Variants in SHISA9 observed in about 807,000 individuals in gnomAD.
SHISA9 encodes the protein protein shisa-9.
In SHISA9, 13 loss-of-function variants were observed where a neutral mutation model predicts 38.0. That is an observed-to-expected ratio of 0.34 (90% CI 0.22 to 0.54). The LOEUF (loss-of-function observed/expected upper bound fraction) is 0.54. Among genes scored for constraint, SHISA9 ranks in the 20% least tolerant of loss-of-function variants. The pLI, the probability that SHISA9 is intolerant of heterozygous loss-of-function variation, is 0.91. For synonymous variants in SHISA9, 275 were observed against 242.0 expected, an observed-to-expected ratio of 1.14 and a Z score of -1.27; for missense variants, 538 against 575.8, an observed-to-expected ratio of 0.93 and a Z score of 0.67.
intron 2 of SHISA9, among the ~76,000 whole-genome samples, chr16:13,046,107 A>T (rs1050908646): frequency 3.3e-5 from 5 of 152,168 alleles, no homozygotes; most frequent in African/African-American, 1.2e-4. Flanking sequence ...TGCAGGATAG[A>T]TATCTACCCC....
chr16:13,327,038 C>T, the SHISA9 span, among the ~76,000 whole-genome samples: 9 of 152,290 alleles, frequency 5.9e-5, no homozygotes, highest in Non-Finnish European at 1.2e-4. Context: ...AGGTGTTGAA[C>T]AGTGTGATAC....
chr16:13,104,592 C>A (rs964173206), intron 2 of SHISA9, among the ~76,000 whole-genome samples: 1 of 152,008 alleles, frequency 6.6e-6, no homozygotes, highest in Non-Finnish European at 1.5e-5. Flanking sequence ...ATGAAAGAAG[C>A]CAGATGTATA....
intron 2 of SHISA9, among the ~76,000 whole-genome samples, chr16:13,116,101 C>T (rs2074028555): frequency 6.6e-6 from 1 of 152,140 alleles, no homozygotes; most frequent in African/African-American, 2.4e-5. Context: ...GTGAGTTTCT[C>T]AAAGCTTGGA....
At chr16:13,283,546 G>T in the SHISA9 span, among the ~76,000 whole-genome samples, 1 of 151,992 alleles carries the variant, frequency 6.6e-6, no homozygotes. Context: ...AGCAAAAGGG[G>T]TTTCTCCCTA....
At chr16:12,995,755 T>C (rs2072449957) in intron 2 of SHISA9, among the ~76,000 whole-genome samples, 1 of 152,238 alleles carries the variant, frequency 6.6e-6, no homozygotes, top group Non-Finnish European at 1.5e-5. Flanking sequence ...TAAAGAAAAT[T>C]CTGCCTTCAG....
chr16:13,199,149 G>C (rs2050979573), intron 2 of SHISA9, among the ~76,000 whole-genome samples: 2 of 152,164 alleles, frequency 1.3e-5, no homozygotes, highest in African/African-American at 4.8e-5. Flanking sequence ...CTAGTAGGTT[G>C]AGTCTGAGAC....
intron 2 of SHISA9, among the ~76,000 whole-genome samples, chr16:13,054,861 C>G (rs571459755): frequency 6.6e-6 from 1 of 152,212 alleles, no homozygotes; most frequent in Non-Finnish European, 1.5e-5. Context: ...CTGTCTCCTG[C>G]CACGGGGCCT....
the SHISA9 span, among the ~76,000 whole-genome samples, chr16:13,439,344 G>A: frequency 6.6e-6 from 1 of 152,180 alleles, no homozygotes; most frequent in South Asian, 2.1e-4. Context: ...TTTGCTGGAA[G>A]AGTAGATCTT....
intron 2 of SHISA9, among the ~76,000 whole-genome samples, chr16:13,200,753 A>G (rs984811): frequency 0.51 from 68,322 of 133,760 alleles, 25,480 homozygotes; most frequent in African/African-American, 0.8. Context: ...ACGTTGGCCA[A>G]AGACTGGGTT....
chr16:13,455,131 A>G, the SHISA9 span, among the ~76,000 whole-genome samples: 1 of 152,174 alleles, frequency 6.6e-6, no homozygotes. Flanking sequence ...TTTATACACT[A>G]TGTATCCAAA....
the SHISA9 span, among the ~76,000 whole-genome samples, chr16:13,270,141 A>G: frequency 3.9e-5 from 6 of 152,190 alleles, no homozygotes; most frequent in Non-Finnish European, 7.4e-5. Context: ...ACAGAATCCA[A>G]CTGTTTACTT....
the SHISA9 span, among the ~76,000 whole-genome samples, chr16:13,444,565 T>C: frequency 4.6e-5 from 7 of 152,096 alleles, no homozygotes; most frequent in Admixed American, 3.9e-4. Flanking sequence ...TTCTCCAACT[T>C]TATCTACTAG....
the SHISA9 span, among the ~76,000 whole-genome samples, chr16:13,453,694 G>A: frequency 6.6e-6 from 1 of 152,180 alleles, no homozygotes; most frequent in African/African-American, 2.4e-5. Context: ...CATAATAAAT[G>A]GTTGTTGTTT....
intron 2 of SHISA9, among the ~76,000 whole-genome samples, chr16:13,171,052 C>T (rs2142021149): frequency 6.6e-6 from 1 of 152,350 alleles, no homozygotes; most frequent in East Asian, 1.9e-4. Flanking sequence ...ATGGTGCTGG[C>T]ATCTGCTTCT....
At chr16:13,246,780 T>C in the SHISA9 span, among the ~76,000 whole-genome samples, 4 of 152,090 alleles carry the variant, frequency 2.6e-5, no homozygotes, top group African/African-American at 9.7e-5. Context: ...TCAGGGTTTA[T>C]CTGTTAGAGT....
At chr16:13,527,158 A>C in the SHISA9 span, among the ~76,000 whole-genome samples, 12 of 152,182 alleles carry the variant, frequency 7.9e-5, no homozygotes, top group African/African-American at 2.9e-4. Context: ...ACACTGTTCT[A>C]AGGGTTTTAC....
the SHISA9 span, among the ~76,000 whole-genome samples, chr16:13,427,218 C>G: frequency 6.6e-6 from 1 of 152,282 alleles, no homozygotes; most frequent in African/African-American, 2.4e-5. Context: ...CAGCCAGAGT[C>G]ACACGTCAAA....
intron 2 of SHISA9, among the ~76,000 whole-genome samples, chr16:12,956,101 C>A (rs1373271925): frequency 2.0e-5 from 3 of 152,140 alleles, no homozygotes; most frequent in African/African-American, 4.8e-5. Flanking sequence ...AAGGGCGTGA[C>A]AGACATTTCT....
chr16:13,053,071 C>T (rs556394984), intron 2 of SHISA9, among the ~76,000 whole-genome samples: 2 of 147,076 alleles, frequency 1.4e-5, no homozygotes, highest in African/African-American at 2.5e-5. Flanking sequence ...TCAAGCAATT[C>T]TCATGTCCCA....
Sources: gnomAD v4.1 joint callset for allele counts (sites outside exome capture counted in the v4.1 genomes callset) on GRCh38, gnomAD v4.1.1 for gene constraint, MANE v1.5 for transcripts, NCBI Gene and HGNC (gene_info 2026-07-23, HGNC 2026-07-21) for gene names.